Variants in MAN2A1 observed in about 807,000 individuals in gnomAD.
MAN2A1 encodes alpha-mannosidase 2.
Under a neutral mutation model 142.6 loss-of-function variants are expected in MAN2A1, and 76 were observed. That is an observed-to-expected ratio of 0.53 (90% CI 0.44 to 0.65). The LOEUF (loss-of-function observed/expected upper bound fraction) is 0.65. Among genes scored for constraint, MAN2A1 ranks in the 30% least tolerant of loss-of-function variants. The probability of loss-of-function intolerance (pLI) is 0.00; values close to 1 mark genes in which losing one functional copy is unlikely to be tolerated. For synonymous variants in MAN2A1, 559 were observed against 473.2 expected (o/e 1.18, Z -2.35); for missense variants, 1,311 against 1,365.1 (o/e 0.96, Z 0.62).
chr5:109,709,832 A>C (rs1751245385), intron 1 of MAN2A1, among the ~76,000 whole-genome samples: 1 of 152,184 alleles, frequency 6.6e-6, no homozygotes, highest in South Asian at 2.1e-4. Flanking sequence ...AGAATAAAGT[A>C]GTTTTCTCAT....
intron 16 of MAN2A1, among the ~76,000 whole-genome samples, chr5:109,833,099 A>T (rs1442427394): frequency 4.2e-5 from 6 of 143,764 alleles, no homozygotes; most frequent in Non-Finnish European, 7.5e-5. Context: ...CGCTCCCCAT[A>T]TCTCAGACGA....
intron 20 of MAN2A1, among the ~76,000 whole-genome samples, chr5:109,860,625 A>G (rs529995636): frequency 6.6e-6 from 1 of 152,288 alleles, no homozygotes; most frequent in African/African-American, 2.4e-5. Flanking sequence ...CCAAAAGTTT[A>G]CTGTTTCTTT....
At chr5:109,719,978 T>A (rs1445278967) in intron 3 of MAN2A1, among the ~76,000 whole-genome samples, 1 of 152,196 alleles carries the variant, frequency 6.6e-6, no homozygotes, top group Non-Finnish European at 1.5e-5. Flanking sequence ...TTTGAAAGTT[T>A]TGAATCATAG....
intron 20 of MAN2A1, among the ~76,000 whole-genome samples, chr5:109,860,523 G>A (rs1241629797): frequency 1.3e-5 from 2 of 152,170 alleles, no homozygotes; most frequent in Non-Finnish European, 2.9e-5. Context: ...TGAAGAGGGT[G>A]GGGTCCCATG....
At chr5:109,696,634 C>T (rs902328592) in intron 1 of MAN2A1, among the ~76,000 whole-genome samples, 1 of 152,228 alleles carries the variant, frequency 6.6e-6, no homozygotes, top group East Asian at 1.9e-4. Context: ...TATCTGCCAA[C>T]ATCACTGTTC....
chr5:109,803,491 T>A (rs115352336), intron 12 of MAN2A1, among the ~76,000 whole-genome samples: 3 of 152,032 alleles, frequency 2.0e-5, no homozygotes, highest in Admixed American at 6.6e-5. Flanking sequence ...TTGTTTCTTA[T>A]AAATAACATC....
intron 16 of MAN2A1, among the ~76,000 whole-genome samples, chr5:109,836,845 T>TGCAA (rs1456988249): frequency 2.6e-5 from 4 of 152,160 alleles, no homozygotes; most frequent in African/African-American, 9.7e-5. Flanking sequence ...CAGATATATG[T>TGCAA]GCAAGCATAC....
At chr5:109,865,433 C>T in intron 21 of MAN2A1, 1 of 360,664 alleles carries the variant, frequency 2.8e-6, no homozygotes, top group East Asian at 6.4e-5. Context: ...GCCTTGCTCC[C>T]AGTCCCCCAG....
At chr5:109,736,218 C>A (rs1010062576) in intron 4 of MAN2A1, among the ~76,000 whole-genome samples, 1 of 152,182 alleles carries the variant, frequency 6.6e-6, no homozygotes, top group Non-Finnish European at 1.5e-5. Flanking sequence ...CACACTCACA[C>A]AGTGCTAAAC....
intron 12 of MAN2A1, among the ~76,000 whole-genome samples, chr5:109,806,151 A>G (rs1173316356): frequency 2.0e-5 from 3 of 152,138 alleles, no homozygotes; most frequent in Non-Finnish European, 4.4e-5. Flanking sequence ...GGGGGAGGGT[A>G]ATGGGATTCT....
chr5:109,864,028 C>T (rs1755819783), intron 20 of MAN2A1: 1 of 152,162 alleles, frequency 6.6e-6, no homozygotes, highest in Admixed American at 6.5e-5. Context: ...GGTGGAGATT[C>T]TGGCAGCTAT....
intron 3 of MAN2A1, among the ~76,000 whole-genome samples, chr5:109,727,863 A>G (rs1277536539): frequency 6.6e-6 from 1 of 152,176 alleles, no homozygotes. Context: ...GCAGTGTTCC[A>G]GGTTAGTACT....
chr5:109,725,120 C>G (rs1751706762), intron 3 of MAN2A1, among the ~76,000 whole-genome samples: 1 of 152,090 alleles, frequency 6.6e-6, no homozygotes, highest in African/African-American at 2.4e-5. Context: ...GCAAAGTACA[C>G]AGAGGCCCAC....
intron 1 of MAN2A1, among the ~76,000 whole-genome samples, chr5:109,692,215 A>G (rs1170827277): frequency 2.0e-5 from 3 of 152,178 alleles, no homozygotes; most frequent in Non-Finnish European, 4.4e-5. Context: ...TAATTCCAGT[A>G]TTGTAATATC....
At chr5:109,781,265 A>C in intron 8 of MAN2A1, 131 bp from the exon 9 acceptor site, 1 of 543,138 alleles carries the variant, frequency 1.8e-6, no homozygotes, top group East Asian at 3.2e-5. Context: ...ATTTTTATAA[A>C]ATCTGAGCTA....
At chr5:109,730,120 A>G (rs1388643549) in intron 4 of MAN2A1, among the ~76,000 whole-genome samples, 1 of 152,162 alleles carries the variant, frequency 6.6e-6, no homozygotes, top group Non-Finnish European at 1.5e-5. Context: ...GTTTCAATGT[A>G]TATTTCAATC....
In MAN2A1 at chr5:109,767,477, C is replaced by T. The variant is rs534950810; in HGVS notation, c.836-58C>T. On this transcript the variant is annotated intron_variant, in intron 5 of 21. Transcript: ENST00000261483. ...GACAATGAGTCTGAATGTGTTGTGA[C>T]TTCTTTTTATTTCATATATCAATTA... 1.7e-5 allele frequency: 24 copies of T among 1,429,416 alleles called. 1 individual carries two copies. The African/African-American group carries it at 3.0e-4, about 18-fold the overall frequency. The allele number at this position is 1,429,416 out of a possible 1,614,324, so 88.5% of individuals were successfully genotyped here.
intron 4 of MAN2A1, 60 bp from the exon 5 acceptor site, chr5:109,755,269 T>A: frequency 7.5e-7 from 1 of 1,336,736 alleles, no homozygotes; most frequent in Non-Finnish European, 1.1e-6. Flanking sequence ...GCTTGTTTAG[T>A]TTTTCATTTG....
intron 12 of MAN2A1, among the ~76,000 whole-genome samples, chr5:109,790,932 T>C (rs1280028391): frequency 1.3e-5 from 2 of 152,102 alleles, no homozygotes; most frequent in Non-Finnish European, 2.9e-5. Context: ...TCCTTCACTG[T>C]CTTTGCCTTA....
Sources: gnomAD v4.1 joint callset for allele counts (sites outside exome capture counted in the v4.1 genomes callset) on GRCh38, gnomAD v4.1.1 for gene constraint, MANE v1.5 for transcripts, NCBI Gene and HGNC (gene_info 2026-07-23, HGNC 2026-07-21) for gene names.